The following NCALD variants were observed in gnomAD, a reference collection of about 807,000 sequenced individuals.
NCALD encodes the protein neurocalcin-delta.
Under a neutral mutation model 18.6 loss-of-function variants are expected in NCALD, and 10 were observed. The observed-to-expected ratio is 0.54, with a 90% CI of 0.33 to 0.91. NCALD has a LOEUF of 0.91. NCALD is among the 40% of genes least tolerant of loss of function. The pLI is 0.03. For missense variants in NCALD, 184 were observed against 247.6 expected (o/e 0.74, Z 1.72); for synonymous variants, 88 against 87.4 (o/e 1.01, Z -0.04).
At chr8:102,035,897 A>G (rs1272326103) in intron 1 of NCALD, among the ~76,000 whole-genome samples, 4 of 152,302 alleles carry the variant, frequency 2.6e-5, no homozygotes, top group African/African-American at 9.6e-5. Flanking sequence ...TATGTTACTT[A>G]TATCACAAAA....
chr8:101,771,637 A>C (rs1270520503), intron 1 of NCALD, among the ~76,000 whole-genome samples: 1 of 152,240 alleles, frequency 6.6e-6, no homozygotes, highest in East Asian at 1.9e-4. Flanking sequence ...TGAAGAGTTT[A>C]ATTTTGGCAA....
At chr8:101,972,811 TA>T in intron 2 of NCALD, among the ~76,000 whole-genome samples, 1 of 152,312 alleles carries the variant, frequency 6.6e-6, no homozygotes, top group Middle Eastern at 3.4e-3. Context: ...TGTCCTGAGC[TA>T]GGCCACACTG....
chr8:101,762,152 A>G (rs1390966725), intron 1 of NCALD, among the ~76,000 whole-genome samples: 1 of 152,142 alleles, frequency 6.6e-6, no homozygotes, highest in Non-Finnish European at 1.5e-5. Context: ...ACTAATATAT[A>G]TGCATTTTCC....
chr8:101,705,267 A>C (rs28408854), intron 2 of NCALD, among the ~76,000 whole-genome samples: 6,193 of 152,094 alleles, frequency 0.041, 422 homozygotes, highest in African/African-American at 0.14. Context: ...AAATTTAAAA[A>C]TAAAAATAAA....
chr8:101,970,954 G>C (rs1011519212), intron 2 of NCALD, among the ~76,000 whole-genome samples: 1 of 152,124 alleles, frequency 6.6e-6, no homozygotes, highest in African/African-American at 2.4e-5. Flanking sequence ...TCTTACAGGA[G>C]GGAGTTCACT....
chr8:101,988,674 C>T (rs919780809), intron 2 of NCALD, among the ~76,000 whole-genome samples: 7 of 152,118 alleles, frequency 4.6e-5, no homozygotes, highest in Admixed American at 3.9e-4. Flanking sequence ...TATCCATGGT[C>T]TTCCCCTATC....
chr8:102,032,539 C>T (rs1412198621), intron 1 of NCALD, among the ~76,000 whole-genome samples: 1 of 137,056 alleles, frequency 7.3e-6, no homozygotes, highest in Admixed American at 8.0e-5. Flanking sequence ...GCCAGAAGTA[C>T]AAATCTATAC....
intron 2 of NCALD, among the ~76,000 whole-genome samples, chr8:101,957,614 G>T (rs1436321129): frequency 1.3e-5 from 2 of 152,036 alleles, no homozygotes; most frequent in Non-Finnish European, 2.9e-5. Flanking sequence ...AATGTGAAAG[G>T]GACACAAAGT....
chr8:102,114,203 C>T (rs906617071), intron 1 of NCALD, among the ~76,000 whole-genome samples: 12 of 152,232 alleles, frequency 7.9e-5, no homozygotes, highest in Non-Finnish European at 8.8e-5. Flanking sequence ...CTCAAACATA[C>T]GTTCTCCACC....
chr8:101,790,012 G>A (rs1812387010), intron 1 of NCALD, among the ~76,000 whole-genome samples: 1 of 152,190 alleles, frequency 6.6e-6, no homozygotes, highest in Non-Finnish European at 1.5e-5. Context: ...ACTTCTATCT[G>A]TGTTTGAGTT....
intron 1 of NCALD, among the ~76,000 whole-genome samples, chr8:102,117,757 C>T (rs1267319360): frequency 1.3e-5 from 2 of 152,130 alleles, no homozygotes; most frequent in African/African-American, 4.8e-5. Context: ...CTGCAAAGTA[C>T]ATTATTTTTG....
rs570914065 is a variant in NCALD, at chr8:101,774,506, T to C, written c.-20+16356A>G. The stretch of plus-strand genomic sequence containing the variant: ...TAACCATTGGGGAAATGTGATTTAA[T>C]TTCTGAAAACTTTACATTAACTCAT... On this transcript the variant is annotated intron_variant, in intron 1 of 3. Coordinates refer to ENST00000220931, the MANE Select transcript of NCALD (RefSeq NM_032041.3). Among the ~76,000 whole-genome samples the C allele has an allele frequency of 2.6e-5, 4 of 152,352 alleles. No individual in the cohort carries two copies. The East Asian group carries it at 5.8e-4, about 22-fold the overall frequency.
intron 2 of NCALD, among the ~76,000 whole-genome samples, chr8:101,959,363 A>G (rs1485344908): frequency 1.3e-5 from 2 of 152,078 alleles, no homozygotes; most frequent in African/African-American, 2.4e-5. Context: ...CAAAATTTCA[A>G]TTTGTCTCAT....
At chr8:102,090,961 T>C (rs1824905316) in intron 1 of NCALD, among the ~76,000 whole-genome samples, 1 of 152,164 alleles carries the variant, frequency 6.6e-6, no homozygotes, top group Admixed American at 6.5e-5. Flanking sequence ...ACTGGTCTCA[T>C]TCCTTGTCTA....
chr8:101,934,630 A>T (rs1282294136), intron 2 of NCALD, among the ~76,000 whole-genome samples: 2 of 151,882 alleles, frequency 1.3e-5, no homozygotes, highest in Admixed American at 6.6e-5. Context: ...CAATAGAAAG[A>T]AAGCCATGAG....
intron 1 of NCALD, among the ~76,000 whole-genome samples, chr8:102,082,672 C>A (rs528245018): frequency 7.2e-5 from 11 of 152,012 alleles, no homozygotes; most frequent in Non-Finnish European, 1.5e-4. Context: ...TATGTTAGAG[C>A]ATCAGGAAAG....
intron 4 of NCALD, among the ~76,000 whole-genome samples, chr8:101,822,697 A>G (rs1219613714): frequency 6.6e-6 from 1 of 152,200 alleles, no homozygotes; most frequent in Non-Finnish European, 1.5e-5. Flanking sequence ...GAGCTCCTGC[A>G]GCCTTTGTAA....
rs1264952 is a variant in NCALD, at chr8:101,853,192, C to A, written c.-20+33949G>T. Among the ~76,000 whole-genome samples, 15 of 151,912 alleles carry A rather than the reference C, an allele frequency of 9.9e-5. No homozygotes were observed. In the South Asian group the frequency reaches 2.9e-3, roughly 29 times the overall value. On this transcript the variant is annotated intron_variant, in intron 4 of 6. Coordinates refer to the NCALD transcript ENST00000311028. ...TAAATAAATTAAAACCCATAAAGTA[C>A]TTTCAATGCTATCAGGCATTTAGTT...
intron 1 of NCALD, among the ~76,000 whole-genome samples, chr8:101,764,560 G>A (rs1391175419): frequency 1.3e-5 from 2 of 152,184 alleles, no homozygotes; most frequent in African/African-American, 4.8e-5. Flanking sequence ...AATGAGTACA[G>A]CCCCCTTTGA....
Sources: gnomAD v4.1 joint callset for allele counts (sites outside exome capture counted in the v4.1 genomes callset) on GRCh38, gnomAD v4.1.1 for gene constraint, MANE v1.5 for transcripts, NCBI Gene and HGNC (gene_info 2026-07-23, HGNC 2026-07-21) for gene names.